PTPRN2: variants seen among roughly 807,000 people sequenced by gnomAD.
PTPRN2 encodes the protein protein tyrosine phosphatase receptor type N2.
In PTPRN2, 74 loss-of-function variants were observed where a neutral mutation model predicts 118.8. That is an observed-to-expected ratio of 0.62 (90% CI 0.52 to 0.76). PTPRN2 has a LOEUF of 0.76. Among genes scored for constraint, PTPRN2 ranks in the 30% least tolerant of loss-of-function variants. PTPRN2 has a pLI of 0.00. For synonymous variants in PTPRN2, 641 were observed against 608.0 expected (o/e 1.05, Z -0.80); for missense variants, 1,481 against 1,394.4 (o/e 1.06, Z -0.99).
intron 13 of PTPRN2, among the ~76,000 whole-genome samples, chr7:157,661,445 C>T (rs1367309756): frequency 1.3e-5 from 2 of 152,220 alleles, no homozygotes; most frequent in Admixed American, 1.3e-4. Context: ...CGAAGGCGCT[C>T]TCCCTGCGGG....
intron 12 of PTPRN2, among the ~76,000 whole-genome samples, chr7:157,742,859 G>A (rs577037460): frequency 6.6e-5 from 10 of 152,322 alleles, no homozygotes; most frequent in South Asian, 2.1e-4. Flanking sequence ...CCTTTTGCTT[G>A]TAATTCCAAA....
At chr7:158,145,999 T>C (rs955585174) in intron 6 of PTPRN2, among the ~76,000 whole-genome samples, 2 of 152,310 alleles carry the variant, frequency 1.3e-5, no homozygotes, top group East Asian at 1.9e-4. Context: ...AAGTGCTTAA[T>C]AAATTATAAC....
chr7:157,949,348 A>G (rs1042774125), intron 11 of PTPRN2, among the ~76,000 whole-genome samples: 1 of 152,224 alleles, frequency 6.6e-6, no homozygotes, highest in African/African-American at 2.4e-5. Context: ...TGTTAATTTT[A>G]TCTCAATTTT....
At chr7:158,455,857 T>C (rs1225518988) in intron 2 of PTPRN2, among the ~76,000 whole-genome samples, 2 of 125,326 alleles carry the variant, frequency 1.6e-5, no homozygotes, top group Non-Finnish European at 3.3e-5. Flanking sequence ...GCAGAGAACA[T>C]AACAGCACGG....
intron 11 of PTPRN2, among the ~76,000 whole-genome samples, chr7:158,036,819 A>T (rs1049928584): frequency 3.3e-5 from 5 of 152,184 alleles, no homozygotes; most frequent in African/African-American, 1.2e-4. Context: ...TAAAATGTCA[A>T]AGACATTTTC....
chr7:157,646,137 C>T (rs1428497127), intron 14 of PTPRN2, among the ~76,000 whole-genome samples: 3 of 152,166 alleles, frequency 2.0e-5, no homozygotes, highest in African/African-American at 7.2e-5. Flanking sequence ...GTAGGCGCTG[C>T]CTCCGCATGG....
At chr7:158,250,145 T>C (rs1379340238) in intron 3 of PTPRN2, among the ~76,000 whole-genome samples, 1 of 152,120 alleles carries the variant, frequency 6.6e-6, no homozygotes, top group Admixed American at 6.6e-5. Flanking sequence ...TATGGAAATA[T>C]TATAATAAAG....
chr7:158,294,413 T>C (rs1452254827), intron 3 of PTPRN2, among the ~76,000 whole-genome samples: 1 of 152,220 alleles, frequency 6.6e-6, no homozygotes, highest in East Asian at 1.9e-4. Context: ...CTGGCTCCCA[T>C]ATTTTTTGTA....
At chr7:157,682,638 A>G in intron 13 of PTPRN2, 87 bp downstream of exon 13, 1 of 1,311,148 alleles carries the variant, frequency 7.6e-7, no homozygotes, top group Non-Finnish European at 1.1e-6. Context: ...ACTGCTGGGA[A>G]TGGAGGAGGG....
intron 12 of PTPRN2, among the ~76,000 whole-genome samples, chr7:157,749,756 G>C (rs1322959871): frequency 6.9e-6 from 1 of 144,770 alleles, no homozygotes; most frequent in Non-Finnish European, 1.5e-5. Context: ...CTGCGTCCCT[G>C]AGCTGCGGGG....
rs567397928 is a variant in PTPRN2, at chr7:158,190,999, C to T, written c.549+1328G>A. Among the ~76,000 whole-genome samples, 66 of 152,382 alleles carry T rather than the reference C, an allele frequency of 4.3e-4. 2 individuals carry two copies. In the South Asian group the frequency reaches 0.013, roughly 30 times the overall value. On this transcript the variant is annotated intron_variant, in intron 5 of 22. Coordinates refer to ENST00000389418, the MANE Select transcript of PTPRN2 (RefSeq NM_002847.5). ...AGAAGTGCCTCAGCTTCCTCACCTG[C>T]CTGCACAGAACGTGCCACCTTGTGG...
intron 17 of PTPRN2, among the ~76,000 whole-genome samples, chr7:157,588,423 C>T (rs1486848120): frequency 3.9e-5 from 6 of 152,188 alleles, no homozygotes; most frequent in East Asian, 1.9e-4. Flanking sequence ...CCTAATCTTA[C>T]AGCTACAGTC....
At chr7:158,411,818 C>T (rs1043979675) in intron 2 of PTPRN2, among the ~76,000 whole-genome samples, 2 of 152,174 alleles carry the variant, frequency 1.3e-5, no homozygotes, top group African/African-American at 2.4e-5. Flanking sequence ...GCCTTCCTCC[C>T]GGGCTGCTTC....
chr7:158,213,655 A>G (rs1269448158), intron 3 of PTPRN2, among the ~76,000 whole-genome samples: 1 of 152,172 alleles, frequency 6.6e-6, no homozygotes, highest in Non-Finnish European at 1.5e-5. Context: ...TATGAAATGT[A>G]CTTTTGTTTA....
intron 11 of PTPRN2, among the ~76,000 whole-genome samples, chr7:158,062,930 G>C (rs1810466964): frequency 1.3e-5 from 2 of 152,232 alleles, no homozygotes; most frequent in African/African-American, 4.8e-5. Context: ...CAGTCCCATT[G>C]ACCGCCCAAA....
At chr7:158,071,827 G>T (rs1293282632) in intron 11 of PTPRN2, among the ~76,000 whole-genome samples, 2 of 70,280 alleles carry the variant, frequency 2.8e-5, no homozygotes, top group Admixed American at 1.4e-4. Flanking sequence ...GTATGGAGGT[G>T]CCCGTGGTGG....
intron 1 of PTPRN2, among the ~76,000 whole-genome samples, chr7:158,528,513 T>G (rs1824960842): frequency 6.6e-6 from 1 of 151,934 alleles, no homozygotes; most frequent in African/African-American, 2.4e-5. Flanking sequence ...TGGGCCAGGC[T>G]CGGTGGCTCA....
chr7:158,136,841 C>G lies in PTPRN2; in HGVS notation c.1133-146G>C, dbSNP rs1265093867. On this transcript the variant is annotated intron_variant, in intron 7 of 22. Coordinates refer to ENST00000389418, the MANE Select transcript of PTPRN2 (RefSeq NM_002847.5). ...GCCTAAGTCCTGCCATAGAGTAAAC[C>G]TTTTCTGTTTATAGCACAAAATGGC... The G allele has an allele frequency of 1.1e-4, 82 of 739,038 alleles. No individual in the cohort carries two copies. The South Asian group carries it at 1.4e-3, about 12-fold the overall frequency. The allele number at this position is 739,038 out of a possible 1,614,324, so 45.8% of individuals were successfully genotyped here.
chr7:157,682,928 GTT>G lies in PTPRN2; in HGVS notation c.1796_1797del (p.Lys599ThrfsTer43). 1.2e-6 allele frequency: 2 copies of G among 1,612,396 alleles called. No individual in the cohort carries two copies. The highest frequency in any genetic ancestry group is 1.7e-6 in the Non-Finnish European group (2 of 1,178,686). ...TCCGCCTGAGGAGGCAGGAACTTGA[GTT>G]TGCTTTTCTGCAGAACAAGGAGAGA... ...ILQTGVGSKSKLKFLPPQAEQ... is the reference protein window; with the variant it reads ...ILQTGVGSKSXLKFLPPQAEQ... On this transcript the variant is annotated frameshift_variant, in exon 13 of 23. Transcript: ENST00000389418. LOFTEE classifies it high-confidence loss of function.
Sources: gnomAD v4.1 joint callset for allele counts (sites outside exome capture counted in the v4.1 genomes callset) on GRCh38, gnomAD v4.1.1 for gene constraint, MANE v1.5 for transcripts, NCBI Gene and HGNC (gene_info 2026-07-23, HGNC 2026-07-21) for gene names.